The following PCDHGB4 variants were observed in gnomAD, a reference collection of about 807,000 sequenced individuals.
PCDHGB4 encodes the protein protocadherin gamma subfamily B, 4.
A neutral mutation model predicts 60.5 loss-of-function variants in PCDHGB4; 38 were observed. The observed-to-expected ratio is 0.63, with a 90% confidence interval of 0.48 to 0.82. PCDHGB4 has a LOEUF of 0.82. Among genes scored for constraint, PCDHGB4 ranks in the 40% least tolerant of loss-of-function variants. The probability of loss-of-function intolerance (pLI) is 0.00; values close to 1 mark genes in which losing one functional copy is unlikely to be tolerated. For synonymous variants in PCDHGB4, 456 were observed against 509.7 expected (o/e 0.89, Z 1.42); for missense variants, 1,109 against 1,209.6 (o/e 0.92, Z 1.23).
Position 141,432,093 on chromosome 5 carries a change from CCAACGA to C in PCDHGB4, c.2397+41817_2397+41822del. 1.2e-6 allele frequency: 2 copies of C among 1,614,170 alleles called. No individual in the cohort carries two copies. The highest frequency in any genetic ancestry group is 1.7e-6 in the Non-Finnish European group (2 of 1,180,046). On this transcript the variant is annotated intron_variant, in intron 1 of 3. Coordinates refer to ENST00000519479, the MANE Select transcript of PCDHGB4 (RefSeq NM_003736.4). The surrounding 1 kb of genome is among the most constrained non-coding windows in gnomAD (Gnocchi z 6.0). ...CATATCTCGCTGAACGTGGCAGACA[CCAACGA>C]CAACCCGCCGGTCTTCCCTCAGGCC...
At position 141,487,507 on chromosome 5, in the gene PCDHGB4, A is replaced by C; in HGVS notation, c.2398-7300A>C. 6.2e-7 allele frequency: 1 copy of C among 1,614,138 alleles called. No individual in the cohort carries two copies. Among genetic ancestry groups the C allele is most frequent in the Non-Finnish European group, 8.5e-7 (1 of 1,180,028 alleles). On this transcript the variant is annotated intron_variant, in intron 1 of 3. Coordinates refer to ENST00000519479, the MANE Select transcript of PCDHGB4 (RefSeq NM_003736.4). This position sits in a 1 kb window ranked among gnomAD's most constrained non-coding sequence, Gnocchi z 5.0. ...ATGGCTGTACACCCTTGGCTTCTGC[A>C]CCCACTCGGAGTGATAGCTTCATGA...
intron 1 of PCDHGB4, chr5:141,410,146 C>T (rs2095361527): frequency 2.5e-6 from 4 of 1,612,390 alleles, no homozygotes; most frequent in Non-Finnish European, 2.5e-6. Context: ...CTGTGCGTGA[C>T]GGTGGACAGC....
chr5:141,394,485 A>G (rs376708104), intron 1 of PCDHGB4: 3 of 1,614,184 alleles, frequency 1.9e-6, no homozygotes, highest in Non-Finnish European at 2.5e-6. Flanking sequence ...CCAGAATGAC[A>G]ACGCGCCCGA....
In PCDHGB4 at chr5:141,431,357, C is replaced by G. The variant is rs762220618; in HGVS notation, c.2397+41076C>G. 1.9e-5 allele frequency: 31 copies of G among 1,613,926 alleles called. No homozygotes were observed. Among genetic ancestry groups the G allele is most frequent in the Non-Finnish European group, 2.2e-5 (26 of 1,180,046 alleles). On this transcript the variant is annotated intron_variant, in intron 1 of 3. Coordinates refer to ENST00000519479, the MANE Select transcript of PCDHGB4 (RefSeq NM_003736.4). The surrounding 1 kb of genome is among the most constrained non-coding windows in gnomAD (Gnocchi z 4.8). ...CCCCGAATTGGTGCTGAAACGCGCC[C>G]TGGACCGCGAAGAAAAGGCTGCTCA...
chr5:141,490,421 C>T lies in PCDHGB4; in HGVS notation c.2398-4386C>T. On this transcript the variant is annotated intron_variant, in intron 1 of 3. Coordinates refer to ENST00000519479, the MANE Select transcript of PCDHGB4 (RefSeq NM_003736.4). The surrounding 1 kb of genome is among the most constrained non-coding windows in gnomAD (Gnocchi z 5.4). ...AGCCTTGATATCTCTCCGGACCTGCCATTTCAGATTAAGCCTTCTGAGAAC... is the reference window on the plus strand; with the variant it reads ...AGCCTTGATATCTCTCCGGACCTGCTATTTCAGATTAAGCCTTCTGAGAAC... 1 of 1,614,192 alleles carries T rather than the reference C, an allele frequency of 6.2e-7. No homozygotes were observed. The highest frequency in any genetic ancestry group is 8.5e-7 in the Non-Finnish European group (1 of 1,180,016).
chr5:141,458,609 A>T (rs1037852455), intron 1 of PCDHGB4, among the ~76,000 whole-genome samples: 1 of 152,004 alleles, frequency 6.6e-6, no homozygotes, highest in Non-Finnish European at 1.5e-5. Flanking sequence ...TCACTCTGTC[A>T]GCCAGGCTGG....
At chr5:141,481,638 T>G (rs1465682432) in intron 1 of PCDHGB4, among the ~76,000 whole-genome samples, 1 of 152,014 alleles carries the variant, frequency 6.6e-6, no homozygotes, top group Admixed American at 6.6e-5. Context: ...GCCAACATGG[T>G]GAAACTTCAT....
In PCDHGB4 at chr5:141,453,101, TTTTTG is replaced by T. The variant is rs879618609; in HGVS notation, c.2398-41681_2398-41677del. ...GTTGATTAGTATATTTTCTGTTGCT[TTTTTG>T]TTTTGTTTTGTTTTGTTTTGTTTTT... On this transcript the variant is annotated intron_variant, in intron 1 of 3. Transcript: ENST00000519479. 4.4e-4 allele frequency among the ~76,000 whole-genome samples: 67 copies of T among 152,130 alleles called. 1 individual carries two copies. Among genetic ancestry groups the T allele is most frequent in the African/African-American group, 1.4e-3 (58 of 41,484 alleles).
At chr5:141,413,993 G>A (rs756042576) in intron 1 of PCDHGB4, 2 of 1,613,486 alleles carry the variant, frequency 1.2e-6, no homozygotes, top group Non-Finnish European at 1.7e-6. Context: ...GCCACCGACA[G>A]GGACGAAGGT....
Position 141,423,964 on chromosome 5 carries a change from A to G in PCDHGB4, c.2397+33683A>G, listed in dbSNP as rs569611136. On this transcript the variant is annotated intron_variant, in intron 1 of 3. Coordinates refer to ENST00000519479, the MANE Select transcript of PCDHGB4 (RefSeq NM_003736.4). ...AGTTGAATTTTAGTATTATTTTTCT[A>G]TTATCAGTGTATGAGGCTCTCAATT... The G allele has an allele frequency of 5.2e-5, 61 of 1,163,648 alleles. 2 individuals carry two copies. In the South Asian group the frequency reaches 1.7e-3, roughly 32 times the overall value. 72.1% of individuals were successfully genotyped at this position (1,163,648 alleles called of 1,614,324 possible).
chr5:141,448,948 AAAAC>A (rs1237948751), intron 1 of PCDHGB4, among the ~76,000 whole-genome samples: 14 of 152,170 alleles, frequency 9.2e-5, no homozygotes, highest in African/African-American at 9.7e-5. Flanking sequence ...GCAACTCAAA[AAAAC>A]AAACAAACAA....
chr5:141,409,803 C>T (rs779815582), intron 1 of PCDHGB4: 3 of 1,611,528 alleles, frequency 1.9e-6, no homozygotes, highest in African/African-American at 1.3e-5. Flanking sequence ...ACGCTGCAGG[C>T]CCGCGACCAC....
intron 1 of PCDHGB4, chr5:141,392,161 C>T (rs2092476241): frequency 6.6e-6 from 1 of 152,200 alleles, no homozygotes; most frequent in African/African-American, 2.4e-5. Context: ...AAAACAATTT[C>T]TGAGTCAGTC....
rs1589320809 is a variant in PCDHGB4, at chr5:141,398,163, G to A, written c.2397+7882G>A. 6 of 1,482,244 alleles carry A rather than the reference G, an allele frequency of 4.0e-6. No homozygotes were observed. The Admixed American group carries it at 1.0e-4, about 26-fold the overall frequency. The allele number at this position is 1,482,244 out of a possible 1,614,324, so 91.8% of individuals were successfully genotyped here. A position where few individuals can be genotyped will look rare whatever the true frequency, so the allele number is the denominator to read the frequency against. Reference sequence around the variant, plus strand: ...GCGCCGGGGAGCTGGGCCGGGCTGAGAGGCTGCCAGTGCTCTTTCTCTTCC... The same window carrying A: ...GCGCCGGGGAGCTGGGCCGGGCTGAAAGGCTGCCAGTGCTCTTTCTCTTCC... On this transcript the variant is annotated intron_variant, in intron 1 of 3. Transcript: ENST00000519479.
intron 1 of PCDHGB4, among the ~76,000 whole-genome samples, chr5:141,444,872 G>T (rs2098449555): frequency 6.6e-6 from 1 of 152,120 alleles, no homozygotes. Context: ...ACAGGACAAA[G>T]CTTGTAGGAT....
At chr5:141,408,590 G>A (rs776799830) in intron 1 of PCDHGB4, 4 of 1,613,956 alleles carry the variant, frequency 2.5e-6, no homozygotes, top group East Asian at 2.2e-5. Context: ...TAATGACCAC[G>A]CCCCTCAATT....
Position 141,399,593 on chromosome 5 carries a change from C to A in PCDHGB4, c.2397+9312C>A, listed in dbSNP as rs201515317. 170 of 1,613,988 alleles carry A rather than the reference C, an allele frequency of 1.1e-4. 1 individual carries two copies. The African/African-American group carries it at 1.5e-3, about 14-fold the overall frequency. On this transcript the variant is annotated intron_variant, in intron 1 of 3. Coordinates refer to ENST00000519479, the MANE Select transcript of PCDHGB4 (RefSeq NM_003736.4). Reference sequence around the variant, plus strand: ...GGCCAAGTCTCCTACTCTATCATGGCCAGCGACCTAGAGCCTCTGGCACTG... The same window carrying A: ...GGCCAAGTCTCCTACTCTATCATGGACAGCGACCTAGAGCCTCTGGCACTG...
At chr5:141,468,995 T>G (rs533843461) in intron 1 of PCDHGB4, among the ~76,000 whole-genome samples, 1 of 147,628 alleles carries the variant, frequency 6.8e-6, no homozygotes, top group Non-Finnish European at 1.5e-5. Context: ...TTATTGTTTT[T>G]GCTGGGTGCG....
intron 1 of PCDHGB4, chr5:141,404,551 G>A (rs764332245): frequency 1.9e-5 from 31 of 1,613,748 alleles, no homozygotes; most frequent in African/African-American, 1.1e-4. Flanking sequence ...TGCAGGTGAC[G>A]GCAAGTGACA....
Sources: allele counts gnomAD v4.1 joint callset (sites outside exome capture counted in the v4.1 genomes callset), GRCh38; gene constraint gnomAD v4.1.1; non-coding constraint Gnocchi (gnomAD v3.1); transcripts MANE v1.5; gene names NCBI Gene and HGNC (gene_info 2026-07-23, HGNC 2026-07-21).